CFAP92: variants seen among roughly 807,000 people sequenced by gnomAD.
CFAP92 encodes the protein uncharacterized protein CFAP92.
In CFAP92, 86 loss-of-function variants were observed where a neutral mutation model predicts 106.3. That is an observed-to-expected ratio of 0.81 (90% CI 0.68 to 0.97). The LOEUF is 0.97. Ranked by LOEUF, CFAP92 falls within the 50% of genes least tolerant of loss-of-function variation. The pLI, the probability that CFAP92 is intolerant of heterozygous loss-of-function variation, is 0.00. For synonymous variants in CFAP92, 477 were observed against 506.4 expected, an observed-to-expected ratio of 0.94 and a Z score of 0.78; for missense variants, 1,204 against 1,283.8, an observed-to-expected ratio of 0.94 and a Z score of 0.95.
chr3:128,933,026 A>C, intron 11 of CFAP92, 29 bp from the exon 12 acceptor site: 1 of 1,531,168 alleles, frequency 6.5e-7, no homozygotes, highest in Non-Finnish European at 8.8e-7. Flanking sequence ...GCCCCACTGA[A>C]CCTCTCCTAC....
intron 9 of CFAP92, among the ~76,000 whole-genome samples, chr3:128,952,223 TG>T (rs1940883590): frequency 1.3e-5 from 2 of 151,144 alleles, no homozygotes; most frequent in African/African-American, 2.4e-5. Flanking sequence ...CTCAGCCTCC[TG>T]GGTTCAAGCC....
Position 128,977,037 on chromosome 3 carries a change from A to G in CFAP92, c.838T>C (p.Ser280Pro). ...TTCTCATATTCCTCACTGTTCTTGG[A>G]AGAAGTTTCGGGCTCTGCTTGGTGA... is the stretch of plus-strand genomic sequence containing the variant. ...GSHQAEPETSSKNSEEYEKSL... is the reference protein window; with the variant it reads ...GSHQAEPETSPKNSEEYEKSL... The change falls in exon 6 of 16, where the codon TCC becomes CCC. Residue 280 changes from serine (S) to proline (P), a missense_variant. Transcript: ENST00000645291. 3 of 1,613,914 alleles carry G rather than the reference A, an allele frequency of 1.9e-6. No individual in the cohort carries two copies. The highest frequency in any genetic ancestry group is 2.5e-6 in the Non-Finnish European group (3 of 1,179,832).
chr3:128,918,324 T>C (rs556114591), intron 12 of CFAP92, among the ~76,000 whole-genome samples: 28 of 152,144 alleles, frequency 1.8e-4, no homozygotes, highest in Admixed American at 5.9e-4. Context: ...AATACAAAAA[T>C]TAGCTGGGCA....
At chr3:128,979,947 AATATATATAT>A (rs375673134) in intron 4 of CFAP92, among the ~76,000 whole-genome samples, 8 of 128,306 alleles carry the variant, frequency 6.2e-5, no homozygotes, top group Non-Finnish European at 1.1e-4. Flanking sequence ...AAAGTATAAT[AATATATATAT>A]ATATATATAT....
chr3:128,999,191 A>T (rs1339657127), intron 1 of CFAP92, among the ~76,000 whole-genome samples: 2 of 152,210 alleles, frequency 1.3e-5, no homozygotes, highest in Non-Finnish European at 2.9e-5. Context: ...ATACAAAAGA[A>T]CGCAAGGAGA....
rs192429006 is a variant in CFAP92 at position 128,928,636 on chromosome 3, C to A, written c.2751+4064G>T. Among the ~76,000 whole-genome samples, 3 of 152,262 alleles carry A rather than the reference C, an allele frequency of 2.0e-5. No homozygotes were observed. In the East Asian group the frequency reaches 5.8e-4, roughly 29 times the overall value. On this transcript the variant is annotated intron_variant, in intron 12 of 15. Transcript: ENST00000645291. ...GCAAAAAGATTAATTTAGACCCTTA[C>A]ATTGGACCTCAAAAAAAATGGTTCA... is the stretch of plus-strand genomic sequence containing the variant.
intron 9 of CFAP92, among the ~76,000 whole-genome samples, chr3:128,964,080 C>A (rs2107765777): frequency 1.3e-5 from 2 of 152,292 alleles, no homozygotes; most frequent in African/African-American, 4.8e-5. Context: ...CACCTCTATA[C>A]AGTCTGATAA....
the CFAP92 span, among the ~76,000 whole-genome samples, chr3:129,024,845 T>A: frequency 6.6e-6 from 1 of 152,182 alleles, no homozygotes; most frequent in Non-Finnish European, 1.5e-5. Flanking sequence ...GGGGGACACA[T>A]TCAAACCATA....
intron 8 of CFAP92, chr3:128,970,287 A>G (rs1942688831): frequency 6.6e-6 from 1 of 152,236 alleles, no homozygotes; most frequent in African/African-American, 2.4e-5. Context: ...CACTTTCTCA[A>G]ACTGAATTGA....
chr3:128,947,978 A>G (rs572790743), intron 9 of CFAP92, among the ~76,000 whole-genome samples: 63 of 152,316 alleles, frequency 4.1e-4, no homozygotes, highest in African/African-American at 1.4e-3. Flanking sequence ...CAATGCATAC[A>G]TGAAAAAAAA....
At chr3:129,001,523 G>T (rs1944745650) in intron 1 of CFAP92, 3 of 1,330,930 alleles carry the variant, frequency 2.3e-6, no homozygotes, top group Non-Finnish European at 2.9e-6. Context: ...CAACCAGACC[G>T]CGACCGCTAA....
chr3:128,929,545 GATAA>G (rs1159461865), intron 12 of CFAP92, among the ~76,000 whole-genome samples: 1 of 152,198 alleles, frequency 6.6e-6, no homozygotes, highest in Non-Finnish European at 1.5e-5. Context: ...GTGGTGAATG[GATAA>G]ATGTGGTACA....
intron 9 of CFAP92, among the ~76,000 whole-genome samples, chr3:128,962,618 C>T (rs1451679830): frequency 6.6e-6 from 1 of 152,124 alleles, no homozygotes; most frequent in Non-Finnish European, 1.5e-5. Context: ...TCTACTCCCT[C>T]CTTGGCAACT....
chr3:128,978,652 AC>A (rs1368745873), intron 4 of CFAP92, among the ~76,000 whole-genome samples: 1 of 152,176 alleles, frequency 6.6e-6, no homozygotes, highest in Non-Finnish European at 1.5e-5. Flanking sequence ...ATAATACCAC[AC>A]ATCTACAACT....
At chr3:128,925,061 G>C (rs1019393810) in intron 12 of CFAP92, among the ~76,000 whole-genome samples, 1 of 152,206 alleles carries the variant, frequency 6.6e-6, no homozygotes, top group South Asian at 2.1e-4. Flanking sequence ...GCCTGGTGTT[G>C]GGTCTGATCA....
chr3:128,910,884 T>G (rs779489971), intron 15 of CFAP92: 2 of 1,558,758 alleles, frequency 1.3e-6, no homozygotes, highest in Non-Finnish European at 1.8e-6. Flanking sequence ...GAGCTGTTTC[T>G]GGACCCTGTC....
intron 4 of CFAP92, chr3:128,978,387 C>A: frequency 2.2e-6 from 1 of 455,214 alleles, no homozygotes; most frequent in Non-Finnish European, 3.7e-6. Context: ...ATTAAGTGTG[C>A]AAAAGCATTA....
Position 128,910,324 on chromosome 3 carries a change from T to A in CFAP92, c.3290A>T (p.Lys1097Met). The A allele has an allele frequency of 1.4e-6, 2 of 1,477,658 alleles. No homozygotes were observed. Among genetic ancestry groups the A allele is most frequent in the Non-Finnish European group, 1.8e-6 (2 of 1,117,032 alleles). 91.5% of individuals were successfully genotyped at this position (1,477,658 alleles called of 1,614,324 possible). Residue 1097 changes from lysine to methionine, a missense_variant, in exon 16 of 16, where the codon AAG becomes ATG. Lys to Met is a moderately conservative substitution (Grantham distance 95, BLOSUM62 -1). Coordinates refer to ENST00000645291, the MANE Select transcript of CFAP92 (RefSeq NM_001394090.1). ...PAPKPVTVRK[K>M]KGNSPIS ...TCAGGAGATGGGGCTGTTCCCTTTCTTCTTCCTGACTGAGAGAAGAGGGGG... is the reference window on the plus strand; with the variant it reads ...TCAGGAGATGGGGCTGTTCCCTTTCATCTTCCTGACTGAGAGAAGAGGGGG...
Position 128,910,765 on chromosome 3 carries a change from G to A in CFAP92, c.3281-432C>T, listed in dbSNP as rs138264216. 84 of 1,614,190 alleles carry A rather than the reference G, an allele frequency of 5.2e-5. No homozygotes were observed. The highest frequency in any genetic ancestry group is 3.3e-4 in the Admixed American group (20 of 60,022). On this transcript the variant is annotated intron_variant, in intron 15 of 15. Coordinates refer to ENST00000645291, the MANE Select transcript of CFAP92 (RefSeq NM_001394090.1). ...GGTTCTCTTGGCCAACACCTTCTGC[G>A]TGGAAGCTTACTTGCAGAATCTCTT...
Sources: gnomAD v4.1 joint callset for allele counts (sites outside exome capture counted in the v4.1 genomes callset) on GRCh38, gnomAD v4.1.1 for gene constraint, MANE v1.5 for transcripts, NCBI Gene and HGNC (gene_info 2026-07-23, HGNC 2026-07-21) for gene names.